The following XRCC5 variants were observed in gnomAD, a reference collection of about 807,000 sequenced individuals.
The protein encoded by XRCC5 is X-ray repair cross complementing 5.
Under a neutral mutation model 95.7 loss-of-function variants are expected in XRCC5, and 12 were observed. The observed-to-expected ratio is 0.13, with a 90% CI of 0.08 to 0.20. XRCC5 has a LOEUF of 0.20. XRCC5 is among the 10% of genes least tolerant of loss of function. The probability of loss-of-function intolerance (pLI) is 1.00; values close to 1 mark genes in which losing one functional copy is unlikely to be tolerated. For synonymous variants in XRCC5, 281 were observed against 290.3 expected (o/e 0.97, Z 0.33); for missense variants, 595 against 873.9 (o/e 0.68, Z 4.02).
chr2:216,159,459 G>A (rs1179848703), intron 14 of XRCC5, among the ~76,000 whole-genome samples: 1 of 152,000 alleles, frequency 6.6e-6, no homozygotes, highest in Admixed American at 6.6e-5. Context: ...ACAGAATTAG[G>A]TTTATAAAAG....
At chr2:216,143,747 A>T (rs1697208085) in intron 13 of XRCC5, among the ~76,000 whole-genome samples, 1 of 151,244 alleles carries the variant, frequency 6.6e-6, no homozygotes. Flanking sequence ...TCACTCTGTC[A>T]CCCAGGCTGG....
chr2:216,128,574 G>T (rs563554273), intron 8 of XRCC5, among the ~76,000 whole-genome samples: 13 of 152,234 alleles, frequency 8.5e-5, no homozygotes, highest in African/African-American at 2.6e-4. Context: ...ATCAAACCTG[G>T]GTTAGAATCA....
intron 16 of XRCC5, among the ~76,000 whole-genome samples, chr2:216,164,856 A>C (rs1455757374): frequency 1.3e-5 from 2 of 152,220 alleles, no homozygotes; most frequent in Non-Finnish European, 2.9e-5. Flanking sequence ...CATGCAGAGC[A>C]GAGAAAGCAC....
chr2:216,188,018 A>C (rs1053563756), intron 16 of XRCC5, among the ~76,000 whole-genome samples: 1 of 151,472 alleles, frequency 6.6e-6, no homozygotes, highest in Non-Finnish European at 1.5e-5. Flanking sequence ...TCTCACACAC[A>C]CTTTCTCTTC....
At chr2:216,187,886 C>G (rs1689537196) in intron 16 of XRCC5, among the ~76,000 whole-genome samples, 1 of 148,222 alleles carries the variant, frequency 6.7e-6, no homozygotes, top group South Asian at 2.2e-4. Flanking sequence ...CTCTCCCTCT[C>G]TCTCTCTCTG....
chr2:216,126,554 G>A (rs774536052), intron 7 of XRCC5, among the ~76,000 whole-genome samples: 7 of 152,116 alleles, frequency 4.6e-5, no homozygotes, highest in Non-Finnish European at 7.4e-5. Flanking sequence ...AGTTGCTTTT[G>A]GTGATTATTT....
chr2:216,192,354 GT>G (rs1689629373), intron 17 of XRCC5, among the ~76,000 whole-genome samples: 1 of 152,060 alleles, frequency 6.6e-6, no homozygotes, highest in Non-Finnish European at 1.5e-5. Flanking sequence ...ATTGTTCTCT[GT>G]TTTTGTTTGG....
Position 216,138,134 on chromosome 2 carries a change from T to C in XRCC5, c.1297T>C (p.Tyr433His), listed in dbSNP as rs1189685589. Reference sequence around the variant, plus strand: ...GCCTTTCATGGAAGACTTGCGGCAATACATGTTTTCATCCTTGAAAAACAG... The same window carrying C: ...GCCTTTCATGGAAGACTTGCGGCAACACATGTTTTCATCCTTGAAAAACAG... The part of the protein sequence containing the change: ...QLPFMEDLRQ[Y>H]MFSSLKNSKK... Residue 433 changes from tyrosine to histidine, a missense_variant, in exon 12 of 21, where the codon TAC becomes CAC. Physicochemically the swap from Tyr to His is moderately conservative, Grantham distance 83 (BLOSUM62 2). Around this residue, in one of 2 missense-constraint regions of XRCC5, gnomAD observed 309 missense variants for 382.9 expected, o/e 0.81. Transcript: ENST00000392132. The C allele has an allele frequency of 6.2e-7, 1 of 1,613,578 alleles. No homozygotes were observed. The highest frequency in any genetic ancestry group is 8.5e-7 in the Non-Finnish European group (1 of 1,179,958).
chr2:216,163,597 C>A (rs1375468624), intron 16 of XRCC5, among the ~76,000 whole-genome samples: 1 of 106,340 alleles, frequency 9.4e-6, no homozygotes, highest in Non-Finnish European at 2.4e-5. Flanking sequence ...CCACCGTGCC[C>A]GGCCCAAAAA....
chr2:216,111,746 C>G (rs1052596177), intron 1 of XRCC5, among the ~76,000 whole-genome samples: 2 of 152,190 alleles, frequency 1.3e-5, no homozygotes, highest in Non-Finnish European at 2.9e-5. Flanking sequence ...CACTGCGAGA[C>G]TATCAGTCAG....
chr2:216,111,572 A>T (rs1696591868), intron 1 of XRCC5: 3 of 272,732 alleles, frequency 1.1e-5, no homozygotes, highest in South Asian at 8.3e-5. Context: ...TGTTCCCTTT[A>T]ATCTTCTCAT....
At chr2:216,150,329 C>G (rs1688718827) in intron 14 of XRCC5, among the ~76,000 whole-genome samples, 1 of 151,830 alleles carries the variant, frequency 6.6e-6, no homozygotes, top group Non-Finnish European at 1.5e-5. Flanking sequence ...ATTTTCTTCA[C>G]CTAAAGAAAA....
intron 13 of XRCC5, among the ~76,000 whole-genome samples, chr2:216,144,130 G>C (rs1697215279): frequency 6.6e-6 from 1 of 152,140 alleles, no homozygotes; most frequent in Non-Finnish European, 1.5e-5. Context: ...AAAGATTTTT[G>C]CAAGTGGGTG....
At chr2:216,167,907 T>A (rs2106031271) in intron 16 of XRCC5, among the ~76,000 whole-genome samples, 1 of 152,268 alleles carries the variant, frequency 6.6e-6, no homozygotes, top group South Asian at 2.1e-4. Flanking sequence ...CATGAGAAAA[T>A]TCATGATTAA....
At chr2:216,131,010 T>C (rs1696986350) in intron 9 of XRCC5, 23 bp downstream of exon 9, 2 of 1,577,216 alleles carry the variant, frequency 1.3e-6, no homozygotes, top group African/African-American at 2.7e-5. Flanking sequence ...ACAAACTAAA[T>C]GAGCTTTTTC....
intron 14 of XRCC5, among the ~76,000 whole-genome samples, chr2:216,149,443 A>G (rs1688701740): frequency 6.6e-6 from 1 of 152,114 alleles, no homozygotes; most frequent in South Asian, 2.1e-4. Context: ...ATTTCTGTTT[A>G]GTCTATCGTT....
chr2:216,182,931 C>T (rs1689416302), intron 16 of XRCC5, among the ~76,000 whole-genome samples: 1 of 152,286 alleles, frequency 6.6e-6, no homozygotes, highest in Non-Finnish European at 1.5e-5. Context: ...AACCATTCCA[C>T]TTACCAGGAA....
intron 3 of XRCC5, 80 bp from the exon 4 acceptor site, chr2:216,117,666 C>T (rs1014335963): frequency 3.1e-5 from 45 of 1,445,200 alleles, no homozygotes; most frequent in Non-Finnish European, 4.1e-5. Context: ...CAATTTCCAG[C>T]ACGGTGGACT....
In XRCC5 at chr2:216,205,263, A is replaced by G; in HGVS notation, c.*61A>G. On this transcript the variant is annotated 3_prime_UTR_variant, in exon 21 of 21. Transcript: ENST00000392132. ...TCGCTGTGATGCTGGGAGTTCTAAC[A>G]AAACAAGTTGGATGCGGCCATTCAA... 6.2e-7 allele frequency: 1 copy of G among 1,611,574 alleles called. No homozygotes were observed. Among genetic ancestry groups the G allele is most frequent in the Non-Finnish European group, 8.5e-7 (1 of 1,177,704 alleles).
Sources: gnomAD v4.1 joint callset for allele counts (sites outside exome capture counted in the v4.1 genomes callset) on GRCh38, gnomAD v4.1.1 for gene constraint, gnomAD v4.1.1 regional missense constraint, MANE v1.5 for transcripts, NCBI Gene and HGNC (gene_info 2026-07-23, HGNC 2026-07-21) for gene names.